The following POPDC2 variants were observed in gnomAD, a reference collection of about 807,000 sequenced individuals.
POPDC2 encodes popeye domain-containing protein 2.
POPDC2 carries 24 observed loss-of-function variants against 30.5 expected under a neutral mutation model. That is an observed-to-expected ratio of 0.79 (90% CI 0.57 to 1.11). The LOEUF is 1.11. Ranked by LOEUF, POPDC2 falls within the 50% of genes least tolerant of loss-of-function variation. The probability of loss-of-function intolerance (pLI) is 0.00; values close to 1 mark genes in which losing one functional copy is unlikely to be tolerated. For synonymous variants in POPDC2, 185 were observed against 183.3 expected (o/e 1.01, Z -0.07); for missense variants, 409 against 447.0 (o/e 0.91, Z 0.77).
At chr3:119,655,087 G>A (rs1004037929) in intron 1 of POPDC2, among the ~76,000 whole-genome samples, 1 of 152,202 alleles carries the variant, frequency 6.6e-6, no homozygotes, top group African/African-American at 2.4e-5. Flanking sequence ...AGCACTTTGG[G>A]AGGCTGAGGC....
rs867140738 is a variant in POPDC2, at chr3:119,643,365, A to T, written c.*44-804T>A. 37 of 1,533,562 alleles carry T rather than the reference A, an allele frequency of 2.4e-5. No individual in the cohort carries two copies. In the Middle Eastern group the frequency reaches 5.0e-3, roughly 208 times the overall value. The allele number at this position is 1,533,562 out of a possible 1,614,324, so 95.0% of individuals were successfully genotyped here. Reference sequence around the variant, plus strand: ...TCTTTAGGCCTCCACTTTTTGCTGTACCTTTTGTTGTCAGGGGATTCTGCC... The same window carrying T: ...TCTTTAGGCCTCCACTTTTTGCTGTTCCTTTTGTTGTCAGGGGATTCTGCC... On this transcript the variant is annotated intron_variant, in intron 3 of 3. Coordinates refer to ENST00000493094, the MANE Select transcript of POPDC2 (RefSeq NM_001369919.2).
At chr3:119,646,571 T>C (rs574405308) in intron 3 of POPDC2, among the ~76,000 whole-genome samples, 15 of 152,068 alleles carry the variant, frequency 9.9e-5, no homozygotes, top group African/African-American at 3.6e-4. Flanking sequence ...CTTTTGGAGG[T>C]AGAGATTGCA....
At chr3:119,644,406 C>G (rs988637407) in intron 3 of POPDC2, among the ~76,000 whole-genome samples, 1 of 152,114 alleles carries the variant, frequency 6.6e-6, no homozygotes, top group Non-Finnish European at 1.5e-5. Flanking sequence ...TGGAGAGTGG[C>G]CATCGAATTA....
chr3:119,648,197 T>C lies in POPDC2; in HGVS notation c.1072A>G (p.Met358Val). The part of the protein sequence containing the change: ...FEEVSGSESF[M>V]DYRSDGEYMR Reference sequence around the variant, plus strand: ...TACTCCCCATCACTCCTATAATCCATAAACGATTCTGATCCTGACACCTCC... The same window carrying C: ...TACTCCCCATCACTCCTATAATCCACAAACGATTCTGATCCTGACACCTCC... Residue 358 changes from methionine (M) to valine (V), a missense_variant, in exon 3 of 4, where the codon ATG becomes GTG. By Grantham distance (21) the Met-to-Val change is conservative (BLOSUM62 1). Coordinates refer to ENST00000493094, the MANE Select transcript of POPDC2 (RefSeq NM_001369919.2). The C allele has an allele frequency of 1.3e-6, 2 of 1,563,996 alleles. No homozygotes were observed. Among genetic ancestry groups the C allele is most frequent in the Non-Finnish European group, 1.7e-6 (2 of 1,153,708 alleles).
At position 119,648,307 on chromosome 3, in the gene POPDC2, G is replaced by C. The variant is rs750287341; in HGVS notation, c.962C>G (p.Ala321Gly). The C allele has an allele frequency of 1.2e-6, 2 of 1,614,162 alleles. No homozygotes were observed. The highest frequency in any genetic ancestry group is 1.7e-6 in the Non-Finnish European group (2 of 1,180,026). ...STPPATTNFP[A>G]PPTRARLSRP... Reference sequence around the variant, plus strand: ...GGACAACCTGGCCCGGGTAGGAGGTGCAGGAAAGTTGGTGGTAGCTGGAGG... The same window carrying C: ...GGACAACCTGGCCCGGGTAGGAGGTCCAGGAAAGTTGGTGGTAGCTGGAGG... The change falls in exon 3 of 4, where the codon GCA (alanine) becomes GGA (glycine). Residue 321 changes from alanine (A) to glycine (G), a missense_variant. Coordinates refer to ENST00000493094, the MANE Select transcript of POPDC2 (RefSeq NM_001369919.2).
At chr3:119,648,944 C>T (rs2052779661) in intron 2 of POPDC2, among the ~76,000 whole-genome samples, 1 of 152,216 alleles carries the variant, frequency 6.6e-6, no homozygotes, top group African/African-American at 2.4e-5. Context: ...CCACTTTCCT[C>T]AACTGTAATT....
At chr3:119,654,407 G>A (rs1014264143) in intron 2 of POPDC2, 98 bp downstream of exon 2, 35 of 823,048 alleles carry the variant, frequency 4.3e-5, no homozygotes, top group Non-Finnish European at 6.6e-5. Flanking sequence ...TGGCAGGGGT[G>A]CGAAGGACAG....
At chr3:119,659,455 C>T (rs977990557) in intron 1 of POPDC2, among the ~76,000 whole-genome samples, 12 of 152,224 alleles carry the variant, frequency 7.9e-5, no homozygotes, top group Non-Finnish European at 4.4e-5. Flanking sequence ...AGAACCACCC[C>T]GCTATCCCGA....
chr3:119,654,903 A>G (rs1382227633), intron 1 of POPDC2, among the ~76,000 whole-genome samples: 1 of 152,230 alleles, frequency 6.6e-6, no homozygotes, highest in African/African-American at 2.4e-5. Context: ...TTTAAAAAAA[A>G]GCACCTAGGC....
chr3:119,649,913 C>T (rs1324334879), intron 2 of POPDC2, among the ~76,000 whole-genome samples: 2 of 152,190 alleles, frequency 1.3e-5, no homozygotes, highest in Non-Finnish European at 2.9e-5. Context: ...CAATCAGGAC[C>T]TAAACTACGT....
chr3:119,647,763 C>T (rs1441326593), intron 3 of POPDC2, among the ~76,000 whole-genome samples: 3 of 152,210 alleles, frequency 2.0e-5, no homozygotes, highest in Admixed American at 6.5e-5. Flanking sequence ...AATTAGAACC[C>T]TGCCACATTC....
rs775639558 is a variant in POPDC2 at position 119,642,479 on chromosome 3, A to G, written c.*126T>C. The G allele has an allele frequency of 6.2e-7, 1 of 1,606,182 alleles. No homozygotes were observed. Among genetic ancestry groups the G allele is most frequent in the Non-Finnish European group, 8.5e-7 (1 of 1,172,816 alleles). ...AGAGAAGATAGTCCAATGATCCTTA[A>G]AGTTCAGGCGTGTGGGTTGGAGCCA... On this transcript the variant is annotated 3_prime_UTR_variant, in exon 4 of 4. Transcript: ENST00000493094.
chr3:119,651,924 G>A (rs1362250260), intron 2 of POPDC2, among the ~76,000 whole-genome samples: 9 of 152,130 alleles, frequency 5.9e-5, no homozygotes, highest in African/African-American at 2.2e-4. Context: ...GTGAGCCACC[G>A]CGCCCAGCCT....
rs1275532741 is a variant in POPDC2, at chr3:119,642,468, AAT to A, written c.*135_*136del. On this transcript the variant is annotated 3_prime_UTR_variant, in exon 4 of 4. Coordinates refer to ENST00000493094, the MANE Select transcript of POPDC2 (RefSeq NM_001369919.2). Reference sequence around the variant, plus strand: ...GCGCTGGCCACAGAGAAGATAGTCCAATGATCCTTAAAGTTCAGGCGTGTGGG... The same window carrying A: ...GCGCTGGCCACAGAGAAGATAGTCCAGATCCTTAAAGTTCAGGCGTGTGGG... 5 of 1,594,232 alleles carry A rather than the reference AAT, an allele frequency of 3.1e-6. No individual in the cohort carries two copies. The highest frequency in any genetic ancestry group is 4.3e-6 in the Non-Finnish European group (5 of 1,161,976).
At chr3:119,643,255 T>C in intron 3 of POPDC2, 1 of 706,262 alleles carries the variant, frequency 1.4e-6, no homozygotes, top group Admixed American at 2.2e-5. Flanking sequence ...AGTGTGACTC[T>C]AATCTGCCTC....
chr3:119,648,921 TCA>T (rs1228419462), intron 2 of POPDC2, among the ~76,000 whole-genome samples: 1 of 152,182 alleles, frequency 6.6e-6, no homozygotes, highest in East Asian at 1.9e-4. Flanking sequence ...TCCTGAAGCC[TCA>T]GTTTCCACAT....
chr3:119,649,235 T>A (rs2052783796), intron 2 of POPDC2, among the ~76,000 whole-genome samples: 1 of 152,124 alleles, frequency 6.6e-6, no homozygotes, highest in East Asian at 1.9e-4. Flanking sequence ...AAATTGCTCG[T>A]AACTTGGCCA....
chr3:119,648,016 C>T, intron 3 of POPDC2, 103 bp downstream of exon 3: 1 of 983,692 alleles, frequency 1.0e-6, no homozygotes, highest in Non-Finnish European at 1.4e-6. Flanking sequence ...TCTGTGAGTC[C>T]TCTAAGAGGA....
At chr3:119,656,028 G>C (rs116248921) in intron 1 of POPDC2, among the ~76,000 whole-genome samples, 9 of 152,172 alleles carry the variant, frequency 5.9e-5, no homozygotes, top group Non-Finnish European at 1.2e-4. Flanking sequence ...ATGGAATTGC[G>C]TGTAAATCAT....
Sources: gnomAD v4.1 joint callset for allele counts (sites outside exome capture counted in the v4.1 genomes callset) on GRCh38, gnomAD v4.1.1 for gene constraint, MANE v1.5 for transcripts, NCBI Gene and HGNC (gene_info 2026-07-23, HGNC 2026-07-21) for gene names.